SLC6A2: variants seen among roughly 807,000 people sequenced by gnomAD.
SLC6A2 encodes sodium-dependent noradrenaline transporter.
Under a neutral mutation model 71.7 loss-of-function variants are expected in SLC6A2, and 26 were observed. That is an observed-to-expected ratio of 0.36 (90% CI 0.27 to 0.50). The LOEUF is 0.50. Among genes scored for constraint, SLC6A2 ranks in the 20% least tolerant of loss-of-function variants. The pLI is 0.96. For missense variants in SLC6A2, 581 were observed against 803.9 expected (o/e 0.72, Z 3.35); for synonymous variants, 363 against 337.9 (o/e 1.07, Z -0.82).
chr16:55,701,940 T>A lies in SLC6A2; in HGVS notation c.1830+6T>A. The A allele has an allele frequency of 1.9e-6, 3 of 1,610,098 alleles. No individual in the cohort carries two copies. Among genetic ancestry groups the A allele is most frequent in the Non-Finnish European group, 2.6e-6 (3 of 1,176,268 alleles). On this transcript the variant is annotated splice_donor_region_variant and intron_variant, in intron 14 of 14. Coordinates refer to ENST00000568943, the MANE Select transcript of SLC6A2 (RefSeq NM_001172501.3). Reference sequence around the variant, plus strand: ...GGGACATCAGACAGTTCCAGGTGGGTGAAGCCTAGACCCCTGGGGTGGAGA... The same window carrying A: ...GGGACATCAGACAGTTCCAGGTGGGAGAAGCCTAGACCCCTGGGGTGGAGA...
intron 7 of SLC6A2, 101 bp from the exon 8 acceptor site, chr16:55,695,177 T>A: frequency 6.9e-7 from 1 of 1,443,186 alleles, no homozygotes; most frequent in Non-Finnish European, 9.7e-7. Flanking sequence ...GGATGGCCTT[T>A]GAGGCTGGGG....
At chr16:55,674,709 G>A (rs1965029843) in intron 4 of SLC6A2, among the ~76,000 whole-genome samples, 1 of 152,208 alleles carries the variant, frequency 6.6e-6, no homozygotes, top group Non-Finnish European at 1.5e-5. Context: ...ACAGGCATGA[G>A]CCATTGCACC....
In SLC6A2 at chr16:55,703,237, G is replaced by C. The variant is rs990727399; in HGVS notation, c.*891G>C. On this transcript the variant is annotated 3_prime_UTR_variant, in exon 15 of 15. Coordinates refer to ENST00000568943, the MANE Select transcript of SLC6A2 (RefSeq NM_001172501.3). ...ACCTGCCTGGGGAAACGGGGGCAGG[G>C]ACCAAGTGAGGCCTCATGTGTGTCT... The C allele has an allele frequency of 1.0e-6, 1 of 985,444 alleles. No homozygotes were observed. Among genetic ancestry groups the C allele is most frequent in the Non-Finnish European group, 1.2e-6 (1 of 830,038 alleles). The allele number at this position is 985,444 out of a possible 1,614,324, so 61.0% of individuals were successfully genotyped here.
intron 2 of SLC6A2, among the ~76,000 whole-genome samples, chr16:55,657,499 C>T (rs1486334583): frequency 6.6e-6 from 1 of 152,152 alleles, no homozygotes; most frequent in Non-Finnish European, 1.5e-5. Context: ...TCTGAAGGCA[C>T]CTGGGGAGGC....
intron 5 of SLC6A2, among the ~76,000 whole-genome samples, chr16:55,689,108 T>C (rs1248990758): frequency 6.6e-6 from 1 of 152,172 alleles, no homozygotes; most frequent in Non-Finnish European, 1.5e-5. Flanking sequence ...GTGTTGCAAG[T>C]TGAAATGCTG....
intron 12 of SLC6A2, among the ~76,000 whole-genome samples, chr16:55,699,924 C>T (rs77205317): frequency 6.6e-6 from 1 of 152,290 alleles, no homozygotes; most frequent in African/African-American, 2.4e-5. Context: ...TGCTCCCTGT[C>T]ATATCTGCCT....
At position 55,682,394 on chromosome 16, in the gene SLC6A2, T is replaced by C. The variant is rs145011527; in HGVS notation, c.645-2749T>C. On this transcript the variant is annotated intron_variant, in intron 4 of 14. Transcript: ENST00000568943. The stretch of plus-strand genomic sequence containing the variant: ...GAGTTGCTAAGAGAAAGATTGAGAG[T>C]GTGTGGGAAACTGACCCTCTTTCCT... Among the ~76,000 whole-genome samples, 761 of 151,970 alleles carry C rather than the reference T, an allele frequency of 5.0e-3. 5 individuals carry two copies. The highest frequency in any genetic ancestry group is 0.017 in the African/African-American group (719 of 41,434).
chr16:55,696,122 G>A (rs770519295), intron 8 of SLC6A2, 103 bp from the exon 9 acceptor site: 49 of 777,972 alleles, frequency 6.3e-5, no homozygotes, highest in Non-Finnish European at 8.3e-5. Context: ...TGTTCTGTCC[G>A]CCCACACATG....
chr16:55,660,429 C>T (rs116007112), intron 2 of SLC6A2, among the ~76,000 whole-genome samples: 1,527 of 152,306 alleles, frequency 0.01, 29 homozygotes, highest in African/African-American at 0.035. Context: ...CTCACTTACC[C>T]CTCATCCCTT....
chr16:55,694,192 C>T, intron 7 of SLC6A2, 79 bp downstream of exon 7: 1 of 1,057,406 alleles, frequency 9.5e-7, no homozygotes, highest in South Asian at 1.3e-5. Context: ...GGGCTCTGGT[C>T]TGGAAGCCAA....
At chr16:55,674,431 CT>C (rs1213422111) in intron 4 of SLC6A2, among the ~76,000 whole-genome samples, 81 of 146,156 alleles carry the variant, frequency 5.5e-4, no homozygotes, top group Middle Eastern at 3.5e-3. Context: ...TTTTCTTTTT[CT>C]TTTTTTTTTT....
intron 4 of SLC6A2, among the ~76,000 whole-genome samples, chr16:55,679,463 G>A (rs1217974689): frequency 6.6e-6 from 1 of 152,200 alleles, no homozygotes; most frequent in African/African-American, 2.4e-5. Flanking sequence ...CTGATCTCAA[G>A]TGATCCACCC....
At chr16:55,691,557 T>C (rs114517463) in intron 5 of SLC6A2, among the ~76,000 whole-genome samples, 1 of 152,206 alleles carries the variant, frequency 6.6e-6, no homozygotes, top group Non-Finnish European at 1.5e-5. Context: ...CTTCATTTTA[T>C]GGAGTCAGGA....
At chr16:55,690,804 C>G (rs1398867773) in intron 5 of SLC6A2, among the ~76,000 whole-genome samples, 1 of 152,208 alleles carries the variant, frequency 6.6e-6, no homozygotes, top group African/African-American at 2.4e-5. Flanking sequence ...TTACCTATAA[C>G]TTCCCCCAGG....
chr16:55,695,502 T>G, intron 8 of SLC6A2, 100 bp downstream of exon 8: 1 of 1,394,652 alleles, frequency 7.2e-7, no homozygotes, highest in Non-Finnish European at 1.0e-6. Flanking sequence ...GTAGGAATAC[T>G]GGGTTGTCCA....
Position 55,697,333 on chromosome 16 carries a change from G to C in SLC6A2, c.1261-564G>C, listed in dbSNP as rs116150447. ...GAGAGTGGTAGCTTGCATTCTTCTT[G>C]TCTGCCCTCACATTGTCCTCATAAG... On this transcript the variant is annotated intron_variant, in intron 9 of 14. Coordinates refer to ENST00000568943, the MANE Select transcript of SLC6A2 (RefSeq NM_001172501.3). Among the ~76,000 whole-genome samples, 387 of 152,262 alleles carry C rather than the reference G, an allele frequency of 2.5e-3. 1 individual carries two copies. Among genetic ancestry groups the C allele is most frequent in the African/African-American group, 9.1e-3 (378 of 41,562 alleles).
chr16:55,665,388 C>T (rs979320307), intron 2 of SLC6A2, among the ~76,000 whole-genome samples: 5 of 152,154 alleles, frequency 3.3e-5, no homozygotes, highest in African/African-American at 1.2e-4. Flanking sequence ...GGGGACAAAT[C>T]TAGCTTCCCT....
At chr16:55,664,125 C>T (rs1327916556) in intron 2 of SLC6A2, among the ~76,000 whole-genome samples, 2 of 152,156 alleles carry the variant, frequency 1.3e-5, no homozygotes, top group Admixed American at 1.3e-4. Flanking sequence ...GTGGAGGTTC[C>T]TGAGTAGGAA....
In SLC6A2 at chr16:55,699,627, G is replaced by A. The variant is rs2142627940; in HGVS notation, c.1563G>A (p.Trp521Ter). 1 of 1,614,018 alleles carries A rather than the reference G, an allele frequency of 6.2e-7. No individual in the cohort carries two copies. The highest frequency in any genetic ancestry group is 8.5e-7 in the Non-Finnish European group (1 of 1,179,874). The change falls in exon 12 of 15, where the codon TGG becomes TGA. Residue 521 changes from tryptophan to a stop codon, truncating the protein, a stop_gained. Coordinates refer to ENST00000568943, the MANE Select transcript of SLC6A2 (RefSeq NM_001172501.3). LOFTEE classifies it high-confidence loss of function. ...CGGGTCTATACTGGAGACTGTGCTG[G>A]AAGTTCGTCAGTCCTGCCTTCCTCC... ...FRPGLYWRLC[W>*]KFVSPAFLLF...
Sources: gnomAD v4.1 joint callset for allele counts (sites outside exome capture counted in the v4.1 genomes callset) on GRCh38, gnomAD v4.1.1 for gene constraint, MANE v1.5 for transcripts, NCBI Gene and HGNC (gene_info 2026-07-23, HGNC 2026-07-21) for gene names.